CNTNAP2: variants seen among roughly 807,000 people sequenced by gnomAD.
CNTNAP2 encodes contactin-associated protein-like 2.
Under a neutral mutation model 155.2 loss-of-function variants are expected in CNTNAP2, and 98 were observed. That is an observed-to-expected ratio of 0.63 (90% CI 0.54 to 0.75). The LOEUF (loss-of-function observed/expected upper bound fraction) is 0.75, where lower values mean the gene tolerates loss of function less well. CNTNAP2 is among the 30% of genes least tolerant of loss of function. The pLI is 0.00. For synonymous variants in CNTNAP2, 651 were observed against 631.2 expected, an observed-to-expected ratio of 1.03 and a Z score of -0.47; for missense variants, 1,727 against 1,688.1, an observed-to-expected ratio of 1.02 and a Z score of -0.40.
intron 13 of CNTNAP2, among the ~76,000 whole-genome samples, chr7:147,693,994 A>T (rs147872450): frequency 0.016 from 2,504 of 152,102 alleles, 222 homozygotes; most frequent in Admixed American, 0.15. Context: ...AATATATTTT[A>T]TCAAGTAGGA....
intron 10 of CNTNAP2, among the ~76,000 whole-genome samples, chr7:147,425,114 G>T (rs1178474925): frequency 1.3e-5 from 2 of 149,964 alleles, no homozygotes; most frequent in African/African-American, 4.9e-5. Flanking sequence ...CAATGTAAAA[G>T]CCAAAGGTTT....
chr7:148,177,895 GTT>G (rs71527883), intron 18 of CNTNAP2, among the ~76,000 whole-genome samples: 1 of 146,774 alleles, frequency 6.8e-6, no homozygotes, highest in African/African-American at 2.5e-5. Flanking sequence ...AACAGACACT[GTT>G]TTTTTTTTTT....
intron 13 of CNTNAP2, among the ~76,000 whole-genome samples, chr7:147,898,120 TC>T (rs559358304): frequency 1.1e-4 from 16 of 152,290 alleles, no homozygotes; most frequent in Non-Finnish European, 2.1e-4. Flanking sequence ...AATAATAACT[TC>T]CAAATTAAGT....
intron 12 of CNTNAP2, among the ~76,000 whole-genome samples, chr7:147,604,299 G>A (rs1801016358): frequency 6.6e-6 from 1 of 151,616 alleles, no homozygotes; most frequent in Admixed American, 6.6e-5. Context: ...CTACAAAATG[G>A]GAGAAAATTT....
At chr7:146,539,828 C>A (rs1797924565) in intron 1 of CNTNAP2, among the ~76,000 whole-genome samples, 1 of 152,104 alleles carries the variant, frequency 6.6e-6, no homozygotes, top group Admixed American at 6.6e-5. Flanking sequence ...AGTCACCAAT[C>A]ATGAAAGTCA....
At chr7:146,714,100 T>G (rs1801146264) in intron 1 of CNTNAP2, among the ~76,000 whole-genome samples, 1 of 152,166 alleles carries the variant, frequency 6.6e-6, no homozygotes, top group African/African-American at 2.4e-5. Flanking sequence ...TGACTCACCC[T>G]TTAAGATACA....
At chr7:148,254,874 A>G (rs1195789287) in intron 20 of CNTNAP2, among the ~76,000 whole-genome samples, 1 of 151,020 alleles carries the variant, frequency 6.6e-6, no homozygotes, top group Non-Finnish European at 1.5e-5. Context: ...TCCTAATTTT[A>G]TTGTTTTCTT....
At chr7:148,317,355 CA>C (rs113690836) in intron 21 of CNTNAP2, among the ~76,000 whole-genome samples, 7,616 of 146,570 alleles carry the variant, frequency 0.052, 367 homozygotes, top group Admixed American at 0.14. Flanking sequence ...AACTCCATCT[CA>C]AAAAAAAAAA....
chr7:147,454,011 AAAAAT>A (rs150032589), intron 10 of CNTNAP2, among the ~76,000 whole-genome samples: 116,814 of 151,494 alleles, frequency 0.77, 45,309 homozygotes, highest in African/African-American at 0.86. Context: ...AAACTGGGGC[AAAAAT>A]AAAATAAAAA....
intron 12 of CNTNAP2, among the ~76,000 whole-genome samples, chr7:147,567,957 A>G (rs923933912): frequency 3.5e-4 from 53 of 152,240 alleles, no homozygotes; most frequent in Middle Eastern, 3.4e-3. Context: ...GTGGTGGCGC[A>G]CACCTGTAGT....
At chr7:147,795,260 T>G (rs1304820159) in intron 13 of CNTNAP2, among the ~76,000 whole-genome samples, 1 of 152,044 alleles carries the variant, frequency 6.6e-6, no homozygotes, top group Non-Finnish European at 1.5e-5. Context: ...AAACAGCAAA[T>G]AGTTGAATCT....
At chr7:146,699,332 C>CCA (rs1226221934) in intron 1 of CNTNAP2, among the ~76,000 whole-genome samples, 1 of 152,044 alleles carries the variant, frequency 6.6e-6, no homozygotes, top group Non-Finnish European at 1.5e-5. Flanking sequence ...TATTGGGTTG[C>CCA]CACAGAGAAC....
intron 13 of CNTNAP2, among the ~76,000 whole-genome samples, chr7:147,864,377 G>T (rs1309242174): frequency 6.6e-6 from 1 of 151,944 alleles, no homozygotes; most frequent in Non-Finnish European, 1.5e-5. Context: ...CTCCAGTTTT[G>T]GTCTTTTGGC....
chr7:146,219,513 T>C (rs971829640), intron 1 of CNTNAP2, among the ~76,000 whole-genome samples: 9 of 152,178 alleles, frequency 5.9e-5, no homozygotes, highest in Admixed American at 2.0e-4. Flanking sequence ...CTTTTCCATC[T>C]TCATAAAAAT....
At chr7:146,539,366 C>T (rs773218287) in intron 1 of CNTNAP2, among the ~76,000 whole-genome samples, 7 of 151,924 alleles carry the variant, frequency 4.6e-5, no homozygotes, top group South Asian at 2.1e-4. Flanking sequence ...CATCAAGACT[C>T]ATAAAATATT....
intron 13 of CNTNAP2, among the ~76,000 whole-genome samples, chr7:147,791,584 G>A (rs1326072924): frequency 6.6e-6 from 1 of 151,834 alleles, no homozygotes; most frequent in Non-Finnish European, 1.5e-5. Context: ...TGCACTAGGA[G>A]AGTATAAGGA....
chr7:146,146,799 T>C (rs1797964271), intron 1 of CNTNAP2, among the ~76,000 whole-genome samples: 1 of 152,194 alleles, frequency 6.6e-6, no homozygotes. Flanking sequence ...AAGTAGTTTC[T>C]AAGTAGTAAA....
At chr7:147,960,836 CT>C (rs758499509) in intron 14 of CNTNAP2, among the ~76,000 whole-genome samples, 2 of 151,840 alleles carry the variant, frequency 1.3e-5, no homozygotes, top group African/African-American at 2.4e-5. Context: ...CCTTCTCTCT[CT>C]CTGTCTCTCT....
intron 10 of CNTNAP2, among the ~76,000 whole-genome samples, chr7:147,417,503 G>T (rs1797214816): frequency 6.6e-6 from 1 of 152,096 alleles, no homozygotes; most frequent in Non-Finnish European, 1.5e-5. Context: ...ATCACACTGG[G>T]GATTGGGTTT....
Sources: gnomAD v4.1 joint callset for allele counts (sites outside exome capture counted in the v4.1 genomes callset) on GRCh38, gnomAD v4.1.1 for gene constraint, MANE v1.5 for transcripts, NCBI Gene and HGNC (gene_info 2026-07-23, HGNC 2026-07-21) for gene names.